The following TUSC3 variants were observed in gnomAD, a reference collection of about 807,000 sequenced individuals.
TUSC3 encodes dolichyl-diphosphooligosaccharide--protein glycosyltransferase subunit TUSC3.
A neutral mutation model predicts 44.8 loss-of-function variants in TUSC3; 45 were observed. The observed-to-expected ratio is 1.00, with a 90% CI of 0.79 to 1.29. The LOEUF (loss-of-function observed/expected upper bound fraction) is 1.29. Ranked by LOEUF, TUSC3 falls within the 50% of genes most tolerant of loss-of-function variation. The pLI is 0.00. For synonymous variants in TUSC3, 212 were observed against 152.9 expected (o/e 1.39, Z -2.85); for missense variants, 519 against 437.9 (o/e 1.19, Z -1.65).
At chr8:15,419,553 C>G (rs964689864) in intron 1 of TUSC3, among the ~76,000 whole-genome samples, 2 of 152,052 alleles carry the variant, frequency 1.3e-5, no homozygotes, top group South Asian at 2.1e-4. Context: ...AAAATTCCTC[C>G]TTTTAAAAAG....
chr8:15,784,235 C>T, the TUSC3 span, among the ~76,000 whole-genome samples: 9,466 of 152,068 alleles, frequency 0.062, 319 homozygotes, highest in Non-Finnish European at 0.079. Context: ...AACTCTTGTA[C>T]AGTATCTGCT....
chr8:15,668,387 CTA>C (rs1378069064), intron 5 of TUSC3, among the ~76,000 whole-genome samples: 2 of 151,478 alleles, frequency 1.3e-5, no homozygotes, highest in African/African-American at 2.4e-5. Flanking sequence ...TTTACCTTTT[CTA>C]TGTTTGTTCA....
At chr8:15,796,352 AGGACATAT>A in the TUSC3 span, among the ~76,000 whole-genome samples, 3 of 152,158 alleles carry the variant, frequency 2.0e-5, no homozygotes, top group South Asian at 6.2e-4. Context: ...GATCCCAAAG[AGGACATAT>A]GGAATCTGTC....
At chr8:15,631,530 C>T (rs80112411) in intron 2 of TUSC3, among the ~76,000 whole-genome samples, 1 of 152,086 alleles carries the variant, frequency 6.6e-6, no homozygotes, top group East Asian at 1.9e-4. Flanking sequence ...TAATGTTTTG[C>T]CACTTTGCAT....
chr8:15,842,743 C>A, the TUSC3 span, among the ~76,000 whole-genome samples: 1 of 152,156 alleles, frequency 6.6e-6, no homozygotes, highest in Non-Finnish European at 1.5e-5. Flanking sequence ...CTGAGACAAA[C>A]GCGAGAAGGT....
At chr8:15,774,888 G>A in the TUSC3 span, among the ~76,000 whole-genome samples, 9 of 152,074 alleles carry the variant, frequency 5.9e-5, no homozygotes, top group Non-Finnish European at 1.0e-4. Flanking sequence ...AATTTAAAAT[G>A]AATTGGCCAC....
intron 2 of TUSC3, among the ~76,000 whole-genome samples, chr8:15,649,229 G>C (rs903441311): frequency 6.6e-6 from 1 of 151,982 alleles, no homozygotes; most frequent in Non-Finnish European, 1.5e-5. Flanking sequence ...CGTTGCGGTG[G>C]GGATGAAGGC....
At chr8:15,622,980 CATT>C (rs1439133141) in intron 1 of TUSC3, 97 bp from the exon 2 acceptor site, 5 of 1,205,470 alleles carry the variant, frequency 4.1e-6, no homozygotes, top group Admixed American at 2.2e-5. Context: ...ACTTGGATAT[CATT>C]AGGAAAAAGA....
At chr8:15,767,131 A>G (rs1812355376), downstream of TUSC3, among the ~76,000 whole-genome samples, 2 of 152,140 alleles carry the variant, frequency 1.3e-5, no homozygotes, top group Admixed American at 6.6e-5. Context: ...CTCAAAGGGT[A>G]CAAGTATGCA....
chr8:15,673,278 A>T (rs938055852), intron 5 of TUSC3, among the ~76,000 whole-genome samples: 1 of 152,116 alleles, frequency 6.6e-6, no homozygotes, highest in Non-Finnish European at 1.5e-5. Flanking sequence ...TGCTGAAAGT[A>T]TTTAGGTACT....
intron 6 of TUSC3, among the ~76,000 whole-genome samples, chr8:15,717,074 G>A (rs1810087314): frequency 6.6e-6 from 1 of 151,992 alleles, no homozygotes; most frequent in Non-Finnish European, 1.5e-5. Context: ...CCCTACAATA[G>A]ACAGAATTCT....
the TUSC3 span, among the ~76,000 whole-genome samples, chr8:15,821,031 C>T: frequency 6.6e-6 from 1 of 152,126 alleles, no homozygotes; most frequent in Non-Finnish European, 1.5e-5. Context: ...GACATTATTT[C>T]TCTTCAACTT....
chr8:15,573,168 T>TCTTTCTCTCTCTCTCTCTC (rs1563296867), intron 1 of TUSC3, among the ~76,000 whole-genome samples: 1 of 85,586 alleles, frequency 1.2e-5, no homozygotes, highest in African/African-American at 5.0e-5. Flanking sequence ...TTCTCTCTCT[T>TCTTTCTCTCTCTCTCTCTC]TCTCTCTCTC....
chr8:15,476,539 C>T (rs1242619668), intron 1 of TUSC3, among the ~76,000 whole-genome samples: 1 of 152,146 alleles, frequency 6.6e-6, no homozygotes, highest in Non-Finnish European at 1.5e-5. Flanking sequence ...ATTTATTCTA[C>T]ATCGTGCTCA....
intron 1 of TUSC3, among the ~76,000 whole-genome samples, chr8:15,592,289 T>C (rs773904476): frequency 2.0e-5 from 3 of 152,116 alleles, no homozygotes; most frequent in Non-Finnish European, 4.4e-5. Context: ...TTGCATACTA[T>C]AATAGCAGTA....
At chr8:15,840,810 C>T in the TUSC3 span, among the ~76,000 whole-genome samples, 29 of 152,156 alleles carry the variant, frequency 1.9e-4, no homozygotes, top group East Asian at 3.9e-4. Context: ...TGGATGCCAA[C>T]GCCAAAGTGA....
At chr8:15,841,131 G>A in the TUSC3 span, among the ~76,000 whole-genome samples, 3 of 151,730 alleles carry the variant, frequency 2.0e-5, no homozygotes, top group East Asian at 1.9e-4. Flanking sequence ...CAAATTTATT[G>A]TTCATATGTT....
chr8:15,598,116 A>T (rs961287363), intron 1 of TUSC3, among the ~76,000 whole-genome samples: 1 of 152,014 alleles, frequency 6.6e-6, no homozygotes, highest in Non-Finnish European at 1.5e-5. Context: ...GGTTGAAAGC[A>T]GAGTTTGCAG....
At chr8:15,691,323 G>A (rs1808890071) in intron 6 of TUSC3, among the ~76,000 whole-genome samples, 1 of 152,172 alleles carries the variant, frequency 6.6e-6, no homozygotes, top group Non-Finnish European at 1.5e-5. Context: ...TGTTTTTGGT[G>A]TATAGGAATG....
Sources: gnomAD v4.1 joint callset for allele counts (sites outside exome capture counted in the v4.1 genomes callset) on GRCh38, gnomAD v4.1.1 for gene constraint, MANE v1.5 for transcripts, NCBI Gene and HGNC (gene_info 2026-07-23, HGNC 2026-07-21) for gene names.